AGAP1: variants seen among roughly 807,000 people sequenced by gnomAD.
The protein encoded by AGAP1 is ArfGAP with GTPase domain, ankyrin repeat and PH domain 1.
Under a neutral mutation model 105.3 loss-of-function variants are expected in AGAP1, and 29 were observed. The ratio of observed to expected loss-of-function variants is 0.28; its 90% CI spans 0.21 to 0.38. The LOEUF (loss-of-function observed/expected upper bound fraction) is 0.38. AGAP1 is among the 10% of genes least tolerant of loss of function. The pLI is 1.00. For missense variants in AGAP1, 998 were observed against 1,165.1 expected, an observed-to-expected ratio of 0.86 and a Z score of 2.09; for synonymous variants, 509 against 485.9, an observed-to-expected ratio of 1.05 and a Z score of -0.63.
rs1242988103 is a variant in AGAP1 at position 236,049,268 on chromosome 2, G to A, written c.2101G>A (p.Val701Ile). The A allele has an allele frequency of 2.5e-6, 4 of 1,614,070 alleles. No individual in the cohort carries two copies. The highest frequency in any genetic ancestry group is 3.4e-6 in the Non-Finnish European group (4 of 1,179,946). The stretch of plus-strand genomic sequence containing the variant: ...CAGCCAGGGGCGGACGAAACCATCG[G>A]TAGACTCCACAAGGTAGGAACTTTG... ...ESSQGRTKPS[V>I]DSTREEKERW... The change falls in exon 16 of 18, where the codon GTA becomes ATA. Residue 701 changes from valine (V) to isoleucine (I), a missense_variant. Val to Ile is a conservative substitution (Grantham distance 29, BLOSUM62 3). Transcript: ENST00000304032.
Position 235,574,618 on chromosome 2 carries a change from G to A in AGAP1, c.163+79769G>A, listed in dbSNP as rs141587800. On this transcript the variant is annotated intron_variant, in intron 1 of 17. Transcript: ENST00000304032. This position sits in a 1 kb window ranked among gnomAD's most constrained non-coding sequence, Gnocchi z 5.0. ...AAAAAGTCAAGCAGTGTTCTTTTAG[G>A]TCCTTTTTGGTTCTGTGCGACAGTT... Among the ~76,000 whole-genome samples the A allele has an allele frequency of 1.6e-3, 238 of 152,220 alleles. No homozygotes were observed. Among genetic ancestry groups the A allele is most frequent in the African/African-American group, 5.6e-3 (233 of 41,538 alleles).
chr2:235,834,753 TAGAC>T (rs1439261858), intron 9 of AGAP1, among the ~76,000 whole-genome samples: 1 of 152,150 alleles, frequency 6.6e-6, no homozygotes, highest in Non-Finnish European at 1.5e-5. Flanking sequence ...TCTCCGAAGT[TAGAC>T]AGGCATCCGG....
intron 9 of AGAP1, among the ~76,000 whole-genome samples, chr2:235,851,090 A>C (rs1279964578): frequency 1.3e-5 from 2 of 152,220 alleles, no homozygotes; most frequent in African/African-American, 4.8e-5. Context: ...GCTGCAAAGG[A>C]TCCAGGAGAC....
In AGAP1 at chr2:235,720,410, T is replaced by C. The variant is rs2149560339; in HGVS notation, c.310+2766T>C. Among the ~76,000 whole-genome samples the C allele has an allele frequency of 6.6e-6, 1 of 152,226 alleles. No individual in the cohort carries two copies. The highest frequency in any genetic ancestry group is 1.5e-5 in the Non-Finnish European group (1 of 68,008). On this transcript the variant is annotated intron_variant, in intron 3 of 17. Transcript: ENST00000304032. This position sits in a 1 kb window ranked among gnomAD's most constrained non-coding sequence, Gnocchi z 5.0. The stretch of plus-strand genomic sequence containing the variant: ...GAGTGCTGGAGGCTGACAAAGCTGA[T>C]GATGGCCCAGCCTCACCTGTGGTTA...
In AGAP1 at chr2:236,051,088, G is replaced by C. The variant is rs1300718604; in HGVS notation, c.2114+1807G>C. Among the ~76,000 whole-genome samples, 2 of 152,172 alleles carry C rather than the reference G, an allele frequency of 1.3e-5. No individual in the cohort carries two copies. The highest frequency in any genetic ancestry group is 2.9e-5 in the Non-Finnish European group (2 of 68,030). On this transcript the variant is annotated intron_variant, in intron 16 of 17. Coordinates refer to ENST00000304032, the MANE Select transcript of AGAP1 (RefSeq NM_001037131.3). The surrounding 1 kb of genome is among the most constrained non-coding windows in gnomAD (Gnocchi z 5.9). The stretch of plus-strand genomic sequence containing the variant: ...GCAGTTAAGTCCCATCTTTTCTTTA[G>C]TCACACTGGCTTTCCTAAAGAGCAG...
At chr2:235,749,387 A>C (rs1217366126) in intron 5 of AGAP1, among the ~76,000 whole-genome samples, 1 of 152,004 alleles carries the variant, frequency 6.6e-6, no homozygotes, top group East Asian at 1.9e-4. Flanking sequence ...CTTAAAAAAA[A>C]AAAAAGCTCA....
chr2:235,658,683 C>T (rs987011584), intron 1 of AGAP1, among the ~76,000 whole-genome samples: 1 of 152,258 alleles, frequency 6.6e-6, no homozygotes, highest in South Asian at 2.1e-4. Context: ...CAAGGAACAG[C>T]TACCCAGCCT....
chr2:235,854,299 C>T (rs1205516947), intron 9 of AGAP1, among the ~76,000 whole-genome samples: 3 of 152,214 alleles, frequency 2.0e-5, no homozygotes, highest in Non-Finnish European at 2.9e-5. Flanking sequence ...GAGTAGACCC[C>T]GCTCCTCCCC....
intron 13 of AGAP1, among the ~76,000 whole-genome samples, chr2:235,999,302 ATGG>A (rs1559176839): frequency 2.0e-4 from 8 of 39,352 alleles, no homozygotes; most frequent in African/African-American, 1.6e-3. Flanking sequence ...GGTGGTGGTG[ATGG>A]TGATGGTGGT....
Position 236,040,764 on chromosome 2 carries a change from G to A in AGAP1, c.1814G>A (p.Ser605Asn). 6.2e-7 allele frequency: 1 copy of A among 1,613,384 alleles called. No individual in the cohort carries two copies. Among genetic ancestry groups the A allele is most frequent in the Non-Finnish European group, 8.5e-7 (1 of 1,180,022 alleles). ...CTCCGTGCCCAGTCCCGGCTGACGA[G>A]CCAGAGCGAGGCCATGGCCCTGCAG... ...ESSKNKSRLT[S>N]QSEAMALQSI... is the part of the protein sequence containing the mutation. The change falls in exon 15 of 18, where the codon AGC (serine) becomes AAC (asparagine). Residue 605 changes from serine to asparagine, a missense_variant. This residue lies in a region of AGAP1 where 735 missense variants were observed against 833.4 expected (regional missense o/e 0.88). Transcript: ENST00000304032. This position sits in a 1 kb window ranked among gnomAD's most constrained non-coding sequence, Gnocchi z 5.6.
rs1431887747 is a variant in AGAP1 at position 235,700,299 on chromosome 2, G to A, written c.164-8880G>A. Among the ~76,000 whole-genome samples the A allele has an allele frequency of 2.0e-5, 3 of 152,160 alleles. No homozygotes were observed. The highest frequency in any genetic ancestry group is 1.3e-4 in the Admixed American group (2 of 15,286). On this transcript the variant is annotated intron_variant, in intron 1 of 17. Transcript: ENST00000304032. The surrounding 1 kb of genome is among the most constrained non-coding windows in gnomAD (Gnocchi z 6.1). ...CTCCACTCCTCAAGGCTGTAGGTGG[G>A]CCTCTGTTTTCACATTTTAAGAAGG...
rs1377749167 is a variant in AGAP1, at chr2:235,882,163, A to G, written c.1051-1182A>G. Among the ~76,000 whole-genome samples the G allele has an allele frequency of 2.0e-5, 3 of 152,196 alleles. No individual in the cohort carries two copies. The highest frequency in any genetic ancestry group is 3.9e-4 in the East Asian group (2 of 5,162). Reference sequence around the variant, plus strand: ...TCATTATTCATAGAAATAATTTTCTATAATGTCCTGGGGCAAACCAGAGAA... The same window carrying G: ...TCATTATTCATAGAAATAATTTTCTGTAATGTCCTGGGGCAAACCAGAGAA... On this transcript the variant is annotated intron_variant, in intron 9 of 17. Transcript: ENST00000304032. The surrounding 1 kb of genome is among the most constrained non-coding windows in gnomAD (Gnocchi z 4.6).
chr2:235,798,006 T>C (rs542417077), intron 7 of AGAP1, 120 bp downstream of exon 7: 7 of 1,254,214 alleles, frequency 5.6e-6, no homozygotes, highest in Non-Finnish European at 6.6e-6. Flanking sequence ...TAACAGCATG[T>C]TGTAATTGAC....
chr2:235,727,512 C>A (rs985795073), intron 3 of AGAP1, among the ~76,000 whole-genome samples: 1 of 152,210 alleles, frequency 6.6e-6, no homozygotes, highest in Non-Finnish European at 1.5e-5. Flanking sequence ...TACAGTCTCA[C>A]TTGGGCTGTG....
intron 9 of AGAP1, among the ~76,000 whole-genome samples, chr2:235,849,730 T>C (rs1286269943): frequency 6.6e-6 from 1 of 152,192 alleles, no homozygotes; most frequent in Admixed American, 6.5e-5. Context: ...CCCTTCCTCA[T>C]GGCCGCTAGG....
Position 235,988,168 on chromosome 2 carries a change from G to A in AGAP1, c.1645+19545G>A, listed in dbSNP as rs758266851. ...AGTGATTCTCCTGCTTCAGCCTCCC[G>A]AGTAGATGGGGTTAAAGGTGCCCAC... On this transcript the variant is annotated intron_variant, in intron 13 of 17. Coordinates refer to ENST00000304032, the MANE Select transcript of AGAP1 (RefSeq NM_001037131.3). The surrounding 1 kb of genome is among the most constrained non-coding windows in gnomAD (Gnocchi z 4.7). 1.5e-4 allele frequency among the ~76,000 whole-genome samples: 23 copies of A among 152,114 alleles called. No homozygotes were observed. The highest frequency in any genetic ancestry group is 6.2e-4 in the South Asian group (3 of 4,802).
At chr2:235,762,897 T>C (rs778316643) in intron 6 of AGAP1, among the ~76,000 whole-genome samples, 2 of 152,048 alleles carry the variant, frequency 1.3e-5, no homozygotes, top group Admixed American at 6.6e-5. Context: ...GAAAGATAGA[T>C]TGTAAAACCT....
chr2:235,787,485 T>G lies in AGAP1; in HGVS notation c.674-10274T>G, dbSNP rs532805612. On this transcript the variant is annotated intron_variant, in intron 6 of 17. Coordinates refer to ENST00000304032, the MANE Select transcript of AGAP1 (RefSeq NM_001037131.3). This position sits in a 1 kb window ranked among gnomAD's most constrained non-coding sequence, Gnocchi z 4.4. ...ACATGCTGCCACTTATCTAACACAT[T>G]GGGAGAGAAAGGTGCAGACAAGGTG... Among the ~76,000 whole-genome samples, 9 of 152,282 alleles carry G rather than the reference T, an allele frequency of 5.9e-5. No individual in the cohort carries two copies. The highest frequency in any genetic ancestry group is 1.9e-4 in the African/African-American group (8 of 41,564).
In AGAP1 at chr2:235,719,759, T is replaced by C. The variant is rs939398095; in HGVS notation, c.310+2115T>C. Among the ~76,000 whole-genome samples the C allele has an allele frequency of 6.6e-6, 1 of 152,184 alleles. No homozygotes were observed. Among genetic ancestry groups the C allele is most frequent in the African/African-American group, 2.4e-5 (1 of 41,454 alleles). On this transcript the variant is annotated intron_variant, in intron 3 of 17. Transcript: ENST00000304032. This position sits in a 1 kb window ranked among gnomAD's most constrained non-coding sequence, Gnocchi z 4.9. The stretch of plus-strand genomic sequence containing the variant: ...GCCCTGCAGCAGCCCTCCCTGGGCA[T>C]GTGGCCTCTCACCTTTTGACTCGAG...
Sources: gnomAD v4.1 joint callset for allele counts (sites outside exome capture counted in the v4.1 genomes callset) on GRCh38, gnomAD v4.1.1 for gene constraint, gnomAD v4.1.1 regional missense constraint, Gnocchi (gnomAD v3.1) non-coding constraint, MANE v1.5 for transcripts, NCBI Gene and HGNC (gene_info 2026-07-23, HGNC 2026-07-21) for gene names.